Variants in USH2A observed in about 807,000 individuals in gnomAD.
The protein encoded by USH2A is usherin, also known as Usher syndrome 2A (autosomal recessive, mild).
A neutral mutation model predicts 538.9 loss-of-function variants in USH2A; 443 were observed. That is an observed-to-expected ratio of 0.82 (90% CI 0.76 to 0.89). The LOEUF is 0.89. USH2A is among the 40% of genes least tolerant of loss of function. The pLI is 0.00. For synonymous variants in USH2A, 2,413 were observed against 2,273.5 expected, an observed-to-expected ratio of 1.06 and a Z score of -1.75; for missense variants, 6,633 against 6,324.8, an observed-to-expected ratio of 1.05 and a Z score of -1.65.
At chr1:215,728,458 AT>A (rs748270581) in intron 60 of USH2A, 74 bp from the exon 61 acceptor site, 130 of 1,420,284 alleles carry the variant, frequency 9.2e-5, no homozygotes, top group Non-Finnish European at 1.1e-4. Flanking sequence ...GAGTAAAAAC[AT>A]TTTTTTTAGA....
At chr1:215,890,478 G>A (rs948101186) in intron 40 of USH2A, among the ~76,000 whole-genome samples, 1 of 152,002 alleles carries the variant, frequency 6.6e-6, no homozygotes, top group Admixed American at 6.6e-5. Context: ...ATCACTTTTC[G>A]AAGCAAAAGA....
At chr1:216,075,790 A>G (rs2031727293) in intron 27 of USH2A, among the ~76,000 whole-genome samples, 1 of 152,080 alleles carries the variant, frequency 6.6e-6, no homozygotes, top group Non-Finnish European at 1.5e-5. Context: ...GTTGCCCAGC[A>G]TTTTCAAAAC....
intron 21 of USH2A, among the ~76,000 whole-genome samples, chr1:216,162,118 A>G (rs192192787): frequency 1.3e-5 from 2 of 152,042 alleles, no homozygotes; most frequent in Admixed American, 6.6e-5. Flanking sequence ...CTATTCTACA[A>G]TATTACTATT....
At chr1:216,072,817 T>G in intron 29 of USH2A, 72 bp downstream of exon 29, 3 of 1,421,598 alleles carry the variant, frequency 2.1e-6, no homozygotes, top group Non-Finnish European at 3.0e-6. Context: ...GTAATAGTCC[T>G]TCCTTTTATA....
intron 43 of USH2A, among the ~76,000 whole-genome samples, chr1:215,870,285 T>G (rs1232111339): frequency 1.3e-5 from 2 of 148,918 alleles, no homozygotes; most frequent in African/African-American, 5.1e-5. Flanking sequence ...TTTTTATTTT[T>G]TATTTTTTTT....
chr1:216,219,076 C>G (rs895948115), intron 14 of USH2A, among the ~76,000 whole-genome samples: 1 of 151,870 alleles, frequency 6.6e-6, no homozygotes, highest in Non-Finnish European at 1.5e-5. Flanking sequence ...GTTTTTATTA[C>G]CATTCACTCA....
At chr1:215,958,795 G>A (rs1271402697) in intron 37 of USH2A, among the ~76,000 whole-genome samples, 1 of 152,016 alleles carries the variant, frequency 6.6e-6, no homozygotes, top group South Asian at 2.1e-4. Context: ...GGTATAAAGA[G>A]GCTCTTTTAT....
At chr1:215,743,072 C>T (rs898248839) in intron 59 of USH2A, 105 bp downstream of exon 59, 60 of 1,394,758 alleles carry the variant, frequency 4.3e-5, no homozygotes, top group Admixed American at 7.0e-5. Context: ...AGAAGTGAAA[C>T]GTTAGTCTTT....
At chr1:216,078,845 G>A (rs2031841885) in intron 26 of USH2A, among the ~76,000 whole-genome samples, 1 of 152,082 alleles carries the variant, frequency 6.6e-6, no homozygotes, top group Non-Finnish European at 1.5e-5. Flanking sequence ...TAACTGGCTA[G>A]TGAACTCAAT....
chr1:215,834,350 A>G (rs1277797379), intron 47 of USH2A, among the ~76,000 whole-genome samples: 1 of 152,206 alleles, frequency 6.6e-6, no homozygotes, highest in East Asian at 1.9e-4. Context: ...ACAAAAACTG[A>G]CAACTACTAG....
At chr1:216,339,394 T>A (rs2038032918) in intron 4 of USH2A, among the ~76,000 whole-genome samples, 1 of 151,698 alleles carries the variant, frequency 6.6e-6, no homozygotes, top group Non-Finnish European at 1.5e-5. Context: ...TGACCATTTT[T>A]AATCTATAAG....
chr1:216,185,757 G>C (rs1362888290), intron 20 of USH2A, among the ~76,000 whole-genome samples: 1 of 151,848 alleles, frequency 6.6e-6, no homozygotes, highest in Admixed American at 6.6e-5. Flanking sequence ...TTTATTATAG[G>C]TCTGCAGTGT....
intron 3 of USH2A, among the ~76,000 whole-genome samples, chr1:216,382,403 A>G (rs1204068978): frequency 1.3e-5 from 2 of 152,220 alleles, no homozygotes; most frequent in Admixed American, 6.5e-5. Flanking sequence ...AGAAAGATGG[A>G]TACAATTAAA....
chr1:216,421,952 A>G lies in USH2A; in HGVS notation c.385T>C (p.Phe129Leu). ...GAAAAGCAGCTCTTGTGATTTCCAA[A>G]AATAAAACTTGCAGAATTGCTATGG... ...NAHSNSASFIFGNHKSCFSSP... is the reference protein window; with the variant it reads ...NAHSNSASFILGNHKSCFSSP... The change falls in exon 2 of 72, where the codon TTT (phenylalanine) becomes CTT (leucine). Residue 129 changes from phenylalanine to leucine, a missense_variant. Phe to Leu is a conservative substitution (Grantham distance 22). Coordinates refer to ENST00000307340, the MANE Select transcript of USH2A (RefSeq NM_206933.4). 1.9e-6 allele frequency: 3 copies of G among 1,613,990 alleles called. No homozygotes were observed. The highest frequency in any genetic ancestry group is 2.5e-6 in the Non-Finnish European group (3 of 1,179,922).
intron 13 of USH2A, among the ~76,000 whole-genome samples, chr1:216,242,031 T>G (rs2035948234): frequency 6.6e-6 from 1 of 152,110 alleles, no homozygotes; most frequent in Non-Finnish European, 1.5e-5. Context: ...ATTTCCCTTG[T>G]TAAAGTTTCA....
intron 11 of USH2A, among the ~76,000 whole-genome samples, chr1:216,256,321 C>CTTTTTTTTTTTTTTTTTCTT (rs201852377): frequency 8.0e-6 from 1 of 125,530 alleles, no homozygotes; most frequent in African/African-American, 2.9e-5. Flanking sequence ...TTCTTTTTTC[C>CTTTTTTTTTTTTTTTTTCTT]TTTTTTTTTT....
chr1:216,084,084 C>T (rs756730725), intron 25 of USH2A, among the ~76,000 whole-genome samples: 2 of 152,052 alleles, frequency 1.3e-5, no homozygotes, highest in Admixed American at 6.6e-5. Flanking sequence ...ACCAAGCCAC[C>T]ATCATCCCTC....
At chr1:216,120,032 G>T (rs537036537) in intron 21 of USH2A, among the ~76,000 whole-genome samples, 6 of 151,774 alleles carry the variant, frequency 4.0e-5, no homozygotes, top group Non-Finnish European at 4.4e-5. Context: ...TTTTTCTAAT[G>T]TGGATTTAGA....
rs567630381 is a variant in USH2A at position 215,643,795 on chromosome 1, G to A, written c.14792-3061C>T. 6.6e-5 allele frequency among the ~76,000 whole-genome samples: 10 copies of A among 152,234 alleles called. No individual in the cohort carries two copies. In the East Asian group the frequency reaches 7.7e-4, roughly 12 times the overall value. On this transcript the variant is annotated intron_variant, in intron 67 of 71. Coordinates refer to ENST00000307340, the MANE Select transcript of USH2A (RefSeq NM_206933.4). ...TCCTCCCCCATTGGCTTCCCAAAGC[G>A]CTGGGATTACAAGTGTGAGCCAGTG...
Sources: allele counts gnomAD v4.1 joint callset (sites outside exome capture counted in the v4.1 genomes callset), GRCh38; gene constraint gnomAD v4.1.1; transcripts MANE v1.5; gene names NCBI Gene and HGNC (gene_info 2026-07-23, HGNC 2026-07-21).